The following NOL4L variants were observed in gnomAD, a reference collection of about 807,000 sequenced individuals.
The protein encoded by NOL4L is nucleolar protein 4-like.
Under a neutral mutation model 64.5 loss-of-function variants are expected in NOL4L, and 7 were observed. That is an observed-to-expected ratio of 0.11 (90% CI 0.06 to 0.20). NOL4L has a LOEUF of 0.20. Among genes scored for constraint, NOL4L ranks in the 10% least tolerant of loss-of-function variants. The probability of loss-of-function intolerance (pLI) is 1.00; values close to 1 mark genes in which losing one functional copy is unlikely to be tolerated. For missense variants in NOL4L, 680 were observed against 967.1 expected (o/e 0.70, Z 3.94); for synonymous variants, 413 against 401.0 (o/e 1.03, Z -0.36).
chr20:32,550,510 G>C (rs6579025), intron 1 of NOL4L, among the ~76,000 whole-genome samples: 20,180 of 152,110 alleles, frequency 0.13, 3,820 homozygotes, highest in African/African-American at 0.43. Flanking sequence ...CTTTGGGAGG[G>C]CGAGGCGAGC....
At chr20:32,515,614 G>A (rs568516636) in intron 3 of NOL4L, among the ~76,000 whole-genome samples, 21 of 152,270 alleles carry the variant, frequency 1.4e-4, no homozygotes, top group African/African-American at 4.6e-4. Flanking sequence ...TGAGAAAAAC[G>A]CCAGGATGGG....
chr20:32,528,040 G>GT, intron 1 of NOL4L, 127 bp from the exon 2 acceptor site: 2 of 386,156 alleles, frequency 5.2e-6, no homozygotes, highest in Non-Finnish European at 8.6e-6. Flanking sequence ...GTGGGGAGGG[G>GT]AGGGAGCCTA....
At position 32,485,058 on chromosome 20, in the gene NOL4L, C is replaced by CAAAAAAAAAAAAAAAAAAAAAAAAAA. The variant is rs57444583; in HGVS notation, c.700-10342_700-10317dup. ...TCGTGGAATTCTGTGGGGAAATTGC[C>CAAAAAAAAAAAAAAAAAAAAAAAAAA]AAAAAAAAAAAAAAAAAAAAAAAAA... On this transcript the variant is annotated intron_variant, in intron 4 of 10. Transcript: ENST00000621426. Among the ~76,000 whole-genome samples, 50 of 17,814 alleles carry CAAAAAAAAAAAAAAAAAAAAAAAAAA rather than the reference C, an allele frequency of 2.8e-3. 3 individuals are homozygous for CAAAAAAAAAAAAAAAAAAAAAAAAAA. The highest frequency in any genetic ancestry group is 8.0e-3 in the East Asian group (3 of 374). The allele number at this position is 17,814 out of a possible 152,430, so 11.7% of individuals were successfully genotyped here.
At chr20:32,448,105 C>T (rs985024782) in intron 10 of NOL4L, among the ~76,000 whole-genome samples, 1 of 152,158 alleles carries the variant, frequency 6.6e-6, no homozygotes, top group African/African-American at 2.4e-5. Context: ...TGCCTCTCCT[C>T]AGTGTGGTGA....
chr20:32,466,352 G>A (rs2145462333), intron 5 of NOL4L, among the ~76,000 whole-genome samples: 1 of 152,234 alleles, frequency 6.6e-6, no homozygotes, highest in East Asian at 1.9e-4. Context: ...GGCCAGGGCT[G>A]TGTAGGCCCT....
chr20:32,449,220 T>C (rs1042355794), intron 10 of NOL4L, among the ~76,000 whole-genome samples: 11 of 152,240 alleles, frequency 7.2e-5, no homozygotes, highest in African/African-American at 2.7e-4. Context: ...GCTTCTCTGT[T>C]GTCTGCCCTC....
Position 32,518,494 on chromosome 20 carries a change from C to A in NOL4L, c.589+2317G>T, listed in dbSNP as rs900330659. ...CAGCATGGGGAGACCTCGCAGCCAT[C>A]AGTGAGGAGTGCGGAGGGAGCTGAG... On this transcript the variant is annotated intron_variant, in intron 3 of 10. Transcript: ENST00000621426. 1.4e-4 allele frequency among the ~76,000 whole-genome samples: 21 copies of A among 152,236 alleles called. 1 individual carries two copies. The highest frequency in any genetic ancestry group is 5.1e-4 in the African/African-American group (21 of 41,460).
At position 32,447,761 on chromosome 20, in the gene NOL4L, C is replaced by T. The variant is rs568149628; in HGVS notation, c.1878G>A (p.Thr626=). 19 of 1,077,782 alleles carry T rather than the reference C, an allele frequency of 1.8e-5. No homozygotes were observed. Among genetic ancestry groups the T allele is most frequent in the African/African-American group, 3.5e-5 (2 of 57,892 alleles). 66.8% of individuals were successfully genotyped at this position (1,077,782 alleles called of 1,614,324 possible). A position where few individuals can be genotyped will look rare whatever the true frequency, so the allele number is the denominator to read the frequency against. The change falls in exon 11 of 11, where the codon ACG becomes ACA. Residue 626 remains threonine (T), a synonymous_variant. Coordinates refer to ENST00000621426, the MANE Select transcript of NOL4L (RefSeq NM_001256798.2). The part of the protein sequence containing the change: ...GGASTTSTTP[T]PTPSSTSTSR... Reference sequence around the variant, plus strand: ...TGGTGCTGGTGCTGGAGGGGGTGGGCGTGGGGGTGGTGGAGGTGGTAGAGG... The same window carrying T: ...TGGTGCTGGTGCTGGAGGGGGTGGGTGTGGGGGTGGTGGAGGTGGTAGAGG...
intron 1 of NOL4L, among the ~76,000 whole-genome samples, chr20:32,583,611 A>C (rs1980650927): frequency 6.7e-6 from 1 of 149,572 alleles, no homozygotes; most frequent in Non-Finnish European, 1.5e-5. Flanking sequence ...TCGGCGACGG[A>C]AAGTTCAAAG....
At chr20:32,549,096 A>AAAAATTAG (rs1377259882) in intron 1 of NOL4L, among the ~76,000 whole-genome samples, 2 of 152,234 alleles carry the variant, frequency 1.3e-5, no homozygotes, top group African/African-American at 4.8e-5. Flanking sequence ...GCAACAGAAG[A>AAAAATTAG]AAAATTAGAC....
At chr20:32,581,203 A>T (rs984766468) in intron 1 of NOL4L, among the ~76,000 whole-genome samples, 1 of 152,084 alleles carries the variant, frequency 6.6e-6, no homozygotes, top group African/African-American at 2.4e-5. Context: ...TTCCTGTGAC[A>T]ACCTGCAAAC....
chr20:32,578,527 G>A (rs942765242), intron 1 of NOL4L, among the ~76,000 whole-genome samples: 1 of 152,132 alleles, frequency 6.6e-6, no homozygotes. Flanking sequence ...CTGGGACTAC[G>A]GGTGCGTGCC....
In NOL4L at chr20:32,474,484, A is replaced by G. The variant is rs1186045370; in HGVS notation, c.841+117T>C. 4 of 1,295,338 alleles carry G rather than the reference A, an allele frequency of 3.1e-6. No individual in the cohort carries two copies. The East Asian group carries it at 1.1e-4, about 35-fold the overall frequency. The allele number at this position is 1,295,338 out of a possible 1,614,324, so 80.2% of individuals were successfully genotyped here. A position where few individuals can be genotyped will look rare whatever the true frequency, so the allele number is the denominator to read the frequency against. On this transcript the variant is annotated intron_variant, in intron 5 of 10. Transcript: ENST00000621426. The stretch of plus-strand genomic sequence containing the variant: ...GTGCAAGCTTGGGCCTGAGCCACCC[A>G]AAGGCCTTGGCCCAGATTCCGCCAC...
At position 32,447,210 on chromosome 20, in the gene NOL4L, A is replaced by G. The variant is rs1164399031; in HGVS notation, c.*386T>C. On this transcript the variant is annotated 3_prime_UTR_variant, in exon 11 of 11. Coordinates refer to ENST00000621426, the MANE Select transcript of NOL4L (RefSeq NM_001256798.2). ...GAAAGGGTCCACTTTGCTTTTCTCA[A>G]TAAATATGCAATTCTGCTCACCTAA... The G allele has an allele frequency of 1.3e-5, 6 of 478,470 alleles. No homozygotes were observed. The highest frequency in any genetic ancestry group is 1.2e-4 in the African/African-American group (6 of 50,906). 29.6% of individuals were successfully genotyped at this position (478,470 alleles called of 1,614,324 possible).
At chr20:32,558,825 CG>C (rs1365719656) in intron 1 of NOL4L, among the ~76,000 whole-genome samples, 1 of 152,154 alleles carries the variant, frequency 6.6e-6, no homozygotes, top group Non-Finnish European at 1.5e-5. Flanking sequence ...GTGTGATTTA[CG>C]TTTCGGAAGA....
chr20:32,472,090 G>T (rs550435124), intron 5 of NOL4L, among the ~76,000 whole-genome samples: 1 of 152,320 alleles, frequency 6.6e-6, no homozygotes, highest in African/African-American at 2.4e-5. Flanking sequence ...AAAGGCCCAG[G>T]TACTCAGATG....
intron 5 of NOL4L, among the ~76,000 whole-genome samples, chr20:32,470,984 C>T (rs772950138): frequency 6.6e-6 from 1 of 152,240 alleles, no homozygotes; most frequent in Non-Finnish European, 1.5e-5. Context: ...CCCTGCCAAG[C>T]ACCAGTGGCT....
At chr20:32,491,239 T>C in intron 4 of NOL4L, among the ~76,000 whole-genome samples, 1 of 152,182 alleles carries the variant, frequency 6.6e-6, no homozygotes, top group Non-Finnish European at 1.5e-5. Flanking sequence ...TTGATAGTCC[T>C]GAAACATTCT....
chr20:32,459,173 T>C (rs1455118156), intron 5 of NOL4L, among the ~76,000 whole-genome samples: 1 of 152,082 alleles, frequency 6.6e-6, no homozygotes, highest in Non-Finnish European at 1.5e-5. Context: ...TTCCAAGCTG[T>C]TAGAAGAAAC....
Sources: allele counts gnomAD v4.1 joint callset (sites outside exome capture counted in the v4.1 genomes callset), GRCh38; gene constraint gnomAD v4.1.1; transcripts MANE v1.5; gene names NCBI Gene and HGNC (gene_info 2026-07-23, HGNC 2026-07-21).